The following SLC4A7 variants were observed in gnomAD, a reference collection of about 807,000 sequenced individuals.
The protein encoded by SLC4A7 is sodium bicarbonate cotransporter 3.
SLC4A7 carries 51 observed loss-of-function variants against 137.6 expected under a neutral mutation model. The ratio of observed to expected loss-of-function variants is 0.37; its 90% CI spans 0.30 to 0.47. SLC4A7 has a LOEUF of 0.47. Ranked by LOEUF, SLC4A7 falls within the 20% of genes least tolerant of loss-of-function variation. SLC4A7 has a pLI of 1.00. For missense variants in SLC4A7, 1,247 were observed against 1,525.4 expected (o/e 0.82, Z 3.04); for synonymous variants, 542 against 518.6 (o/e 1.05, Z -0.61).
chr3:27,431,509 G>C lies in SLC4A7; in HGVS notation c.939C>G (p.Pro313=), dbSNP rs1157940257. The change falls in exon 7 of 26, where the codon CCC becomes CCG. Residue 313 remains proline, a synonymous_variant. Coordinates refer to ENST00000454389, the MANE Select transcript of SLC4A7 (RefSeq NM_001321103.2). ...TAGAAGGAGGACTGTTTTGAGGGGT[G>C]GGTACTGGGGTTGTACACCTTGAGC... ...PAGSRCTTPV[P]TPQNSPPSSP... 1 of 1,613,974 alleles carries C rather than the reference G, an allele frequency of 6.2e-7. No individual in the cohort carries two copies. The highest frequency in any genetic ancestry group is 8.5e-7 in the Non-Finnish European group (1 of 1,180,000).
At chr3:27,427,000 C>A (rs1281872394) in intron 7 of SLC4A7, among the ~76,000 whole-genome samples, 3 of 152,102 alleles carry the variant, frequency 2.0e-5, no homozygotes, top group Non-Finnish European at 4.4e-5. Flanking sequence ...TTAAATTTTT[C>A]TTTAAATTTC....
chr3:27,450,501 T>C (rs911344753), intron 2 of SLC4A7, among the ~76,000 whole-genome samples: 14 of 152,062 alleles, frequency 9.2e-5, no homozygotes, highest in Admixed American at 5.2e-4. Context: ...AATGAAACTA[T>C]TTCCTTCAAA....
intron 10 of SLC4A7, among the ~76,000 whole-genome samples, chr3:27,419,343 C>T (rs935423645): frequency 7.3e-5 from 11 of 151,530 alleles, no homozygotes; most frequent in Non-Finnish European, 1.0e-4. Flanking sequence ...CCGAGGCAGG[C>T]GGATCGCCTG....
In SLC4A7 at chr3:27,484,354, A is replaced by C; in HGVS notation, c.-228T>G. 1 of 337,160 alleles carries C rather than the reference A, an allele frequency of 3.0e-6. No homozygotes were observed. The highest frequency in any genetic ancestry group is 5.3e-6 in the Non-Finnish European group (1 of 187,472). The allele number at this position is 337,160 out of a possible 1,614,324, so 20.9% of individuals were successfully genotyped here. On this transcript the variant is annotated 5_prime_UTR_variant, in exon 1 of 26. Coordinates refer to ENST00000454389, the MANE Select transcript of SLC4A7 (RefSeq NM_001321103.2). ...CTGGGCTGGCTTTAGTAGGAGAGCG[A>C]GGCCGCGGCGTGGAACCTGAAGCTA...
rs1263122947 is a variant in SLC4A7, at chr3:27,484,159, G to A, written c.-33C>T. The stretch of plus-strand genomic sequence containing the variant: ...CGGCCAGCCCGTGACGGCCGCTACG[G>A]TACTGCCCCGCGCGGTCTGCCTGCT... On this transcript the variant is annotated 5_prime_UTR_variant, in exon 1 of 26. Coordinates refer to ENST00000454389, the MANE Select transcript of SLC4A7 (RefSeq NM_001321103.2). The A allele has an allele frequency of 3.9e-6, 5 of 1,296,506 alleles. No homozygotes were observed. The highest frequency in any genetic ancestry group is 4.9e-6 in the Non-Finnish European group (5 of 1,022,264). 80.3% of individuals were successfully genotyped at this position (1,296,506 alleles called of 1,614,324 possible). A position where few individuals can be genotyped will look rare whatever the true frequency, so the allele number is the denominator to read the frequency against.
chr3:27,431,289 G>A lies in SLC4A7; in HGVS notation c.1150+9C>T, dbSNP rs760366902. On this transcript the variant is annotated intron_variant, in intron 7 of 25. Transcript: ENST00000454389. ...AAAGCACCACACATGGAGGATTTTGGATAGTTGCCTGGAGTTAAGTCAACA... is the reference window on the plus strand; with the variant it reads ...AAAGCACCACACATGGAGGATTTTGAATAGTTGCCTGGAGTTAAGTCAACA... 2 of 1,561,430 alleles carry A rather than the reference G, an allele frequency of 1.3e-6. No homozygotes were observed. Among genetic ancestry groups the A allele is most frequent in the African/African-American group, 2.7e-5 (2 of 73,626 alleles).
At chr3:27,378,947 AGGC>A (rs551657412) in intron 25 of SLC4A7, among the ~76,000 whole-genome samples, 1 of 152,164 alleles carries the variant, frequency 6.6e-6, no homozygotes, top group Non-Finnish European at 1.5e-5. Context: ...CTTGTCCCCC[AGGC>A]TGGAGTGCAA....
intron 1 of SLC4A7, among the ~76,000 whole-genome samples, chr3:27,478,755 T>A (rs2059579681): frequency 7.1e-6 from 1 of 141,302 alleles, no homozygotes; most frequent in Admixed American, 7.2e-5. Flanking sequence ...TGGGAGGCCG[T>A]GGCAGGTGGA....
chr3:27,433,838 C>A, intron 6 of SLC4A7, 78 bp downstream of exon 6: 2 of 1,259,570 alleles, frequency 1.6e-6, no homozygotes, highest in Non-Finnish European at 2.3e-6. Context: ...TAAATATCCC[C>A]AAATGTTAAT....
intron 24 of SLC4A7, 21 bp downstream of exon 24, chr3:27,383,132 G>C (rs758382872): frequency 3.5e-6 from 5 of 1,426,844 alleles, no homozygotes; most frequent in Admixed American, 1.8e-5. Context: ...AAAAGTTTTA[G>C]AGCATAAAGT....
At chr3:27,456,494 A>G (rs539424567) in intron 1 of SLC4A7, among the ~76,000 whole-genome samples, 1 of 152,348 alleles carries the variant, frequency 6.6e-6, no homozygotes, top group South Asian at 2.1e-4. Flanking sequence ...TACACAAGGA[A>G]TTACTCTTCA....
intron 7 of SLC4A7, among the ~76,000 whole-genome samples, chr3:27,428,028 C>G (rs2055835962): frequency 1.3e-5 from 2 of 152,058 alleles, no homozygotes; most frequent in African/African-American, 4.8e-5. Context: ...TTCATTGTTA[C>G]TGATCAATGT....
intron 1 of SLC4A7, among the ~76,000 whole-genome samples, chr3:27,477,715 C>A (rs538018607): frequency 2.0e-5 from 3 of 152,166 alleles, no homozygotes; most frequent in African/African-American, 7.2e-5. Flanking sequence ...AGCGATTCTC[C>A]CGCCTCATCC....
chr3:27,399,766 A>G (rs575977124), intron 16 of SLC4A7, among the ~76,000 whole-genome samples: 1 of 152,342 alleles, frequency 6.6e-6, no homozygotes, highest in East Asian at 1.9e-4. Context: ...TAGATATATT[A>G]GATGATGCAG....
intron 1 of SLC4A7, among the ~76,000 whole-genome samples, chr3:27,480,819 GA>G (rs1258513799): frequency 6.6e-6 from 1 of 152,006 alleles, no homozygotes; most frequent in Non-Finnish European, 1.5e-5. Context: ...ACAGACTGAT[GA>G]AATGTTTTAA....
intron 16 of SLC4A7, among the ~76,000 whole-genome samples, chr3:27,398,554 A>C (rs770650010): frequency 2.0e-5 from 3 of 152,202 alleles, no homozygotes; most frequent in Non-Finnish European, 4.4e-5. Flanking sequence ...TCAAGATATT[A>C]TAATTTGAAA....
At chr3:27,421,129 A>G (rs905932586) in intron 9 of SLC4A7, among the ~76,000 whole-genome samples, 15 of 152,002 alleles carry the variant, frequency 9.9e-5, no homozygotes, top group African/African-American at 3.6e-4. Context: ...AGTTCCAGGA[A>G]GAAAATGATT....
chr3:27,439,041 A>G (rs557713718), intron 3 of SLC4A7, among the ~76,000 whole-genome samples: 7 of 152,350 alleles, frequency 4.6e-5, no homozygotes, highest in Non-Finnish European at 1.0e-4. Context: ...ATAAACAAAT[A>G]CACCACCACA....
Position 27,431,562 on chromosome 3 carries a change from G to T in SLC4A7, c.886C>A (p.Pro296Thr), listed in dbSNP as rs2056293246. 1 of 1,613,958 alleles carries T rather than the reference G, an allele frequency of 6.2e-7. No homozygotes were observed. Among genetic ancestry groups the T allele is most frequent in the Non-Finnish European group, 8.5e-7 (1 of 1,179,988 alleles). The change falls in exon 7 of 26, where the codon CCT (proline) becomes ACT (threonine). Residue 296 changes from proline (P) to threonine (T), a missense_variant. Around this residue, in one of 6 missense-constraint regions of SLC4A7, gnomAD observed 223 missense variants for 203.6 expected, o/e 1.10. Coordinates refer to ENST00000454389, the MANE Select transcript of SLC4A7 (RefSeq NM_001321103.2). ...GCAGGGGTTCCAGCTCTTGAAGAAG[G>T]AAGAAGATGACCAAGAAGAAGAGAT... ...PLSLLLGHLL[P>T]SSRAGTPAGS...
Sources: gnomAD v4.1 joint callset for allele counts (sites outside exome capture counted in the v4.1 genomes callset) on GRCh38, gnomAD v4.1.1 for gene constraint, gnomAD v4.1.1 regional missense constraint, MANE v1.5 for transcripts, NCBI Gene and HGNC (gene_info 2026-07-23, HGNC 2026-07-21) for gene names.